GULP1: variants seen among roughly 807,000 people sequenced by gnomAD.
GULP1 encodes the protein GULP PTB domain containing engulfment adaptor 1.
GULP1 carries 19 observed loss-of-function variants against 40.9 expected under a neutral mutation model. The ratio of observed to expected loss-of-function variants is 0.46; its 90% CI spans 0.32 to 0.68. The LOEUF (loss-of-function observed/expected upper bound fraction) is 0.68. Among genes scored for constraint, GULP1 ranks in the 30% least tolerant of loss-of-function variants. The pLI is 0.03. For missense variants in GULP1, 312 were observed against 362.2 expected (o/e 0.86, Z 1.12); for synonymous variants, 119 against 117.6 (o/e 1.01, Z -0.08).
chr2:188,314,739 C>T (rs559829968), intron 1 of GULP1, among the ~76,000 whole-genome samples: 17 of 152,206 alleles, frequency 1.1e-4, no homozygotes, highest in African/African-American at 3.9e-4. Flanking sequence ...CAGTTACCTC[C>T]GGTCAATTGT....
At chr2:188,328,373 G>A (rs1460825695) in intron 1 of GULP1, among the ~76,000 whole-genome samples, 1 of 152,080 alleles carries the variant, frequency 6.6e-6, no homozygotes, top group African/African-American at 2.4e-5. Flanking sequence ...TAATGAAACT[G>A]GGAGTGGATG....
chr2:188,336,505 A>G (rs113442050), intron 1 of GULP1, among the ~76,000 whole-genome samples: 5 of 152,290 alleles, frequency 3.3e-5, no homozygotes, highest in South Asian at 4.1e-4. Context: ...TCATTATGGC[A>G]TATCAGGCTG....
At position 188,319,837 on chromosome 2, in the gene GULP1, C is replaced by G. The variant is rs184880355; in HGVS notation, c.-172+27671C>G. Among the ~76,000 whole-genome samples the G allele has an allele frequency of 7.7e-4, 117 of 152,092 alleles. 2 individuals carry two copies. In the East Asian group the frequency reaches 0.018, roughly 23 times the overall value. On this transcript the variant is annotated intron_variant, in intron 1 of 11. Transcript: ENST00000409830. ...TCTTTTTTTGTCCTATTCTTTCTTT[C>G]ATTTGATCTTTTTTGCCCTTTTTAC...
rs555362357 is a variant in GULP1 at position 188,423,153 on chromosome 2, C to CGA, written c.-45+39264_-45+39265insGA. On this transcript the variant is annotated intron_variant, in intron 2 of 11. Transcript: ENST00000409830. Reference sequence around the variant, plus strand: ...GCTAAGGGTGAACTTTGGAGAAACTCTATGTTAGCTAAATAATCACATCTT... The same window carrying CGA: ...GCTAAGGGTGAACTTTGGAGAAACTCGATATGTTAGCTAAATAATCACATCTT... Among the ~76,000 whole-genome samples the CGA allele has an allele frequency of 8.1e-4, 123 of 152,144 alleles. 1 individual carries two copies. Among genetic ancestry groups the CGA allele is most frequent in the South Asian group, 5.8e-3 (28 of 4,830 alleles).
chr2:188,353,896 G>A (rs747378751), intron 1 of GULP1, among the ~76,000 whole-genome samples: 9 of 151,898 alleles, frequency 5.9e-5, no homozygotes, highest in African/African-American at 2.2e-4. Flanking sequence ...TGGTGCCTTG[G>A]CCAAGCAGAG....
chr2:188,541,188 A>G lies in GULP1; in HGVS notation c.269A>G (p.Gln90Arg). The G allele has an allele frequency of 6.2e-7, 1 of 1,613,056 alleles. No individual in the cohort carries two copies. The highest frequency in any genetic ancestry group is 8.5e-7 in the Non-Finnish European group (1 of 1,179,134). The part of the protein sequence containing the change: ...KILEPKTKEV[Q>R]HNCQLHRISF... ...TTCCATCTGTGTTCACAGGAAGTTC[A>G]ACACAATTGCCAGCTTCATAGAATA... Residue 90 changes from glutamine to arginine, a missense_variant, in exon 7 of 12, where the codon CAA becomes CGA. By Grantham distance (43) the Gln-to-Arg change is conservative. Coordinates refer to ENST00000409830, the MANE Select transcript of GULP1 (RefSeq NM_016315.4).
intron 7 of GULP1, among the ~76,000 whole-genome samples, chr2:188,561,985 C>T (rs1696423055): frequency 6.6e-6 from 1 of 152,196 alleles, no homozygotes; most frequent in South Asian, 2.1e-4. Flanking sequence ...CAGCCAATGC[C>T]TTGCTTGTTT....
chr2:188,528,386 T>G (rs551410836), intron 5 of GULP1, among the ~76,000 whole-genome samples: 21 of 152,256 alleles, frequency 1.4e-4, no homozygotes, highest in African/African-American at 4.8e-4. Flanking sequence ...AGACTCCATC[T>G]GCTAAGCACA....
chr2:188,526,087 G>T (rs191587948), intron 5 of GULP1, among the ~76,000 whole-genome samples: 42 of 152,162 alleles, frequency 2.8e-4, no homozygotes, highest in Middle Eastern at 3.4e-3. Flanking sequence ...TCTGAGAAAT[G>T]GATAGAAATT....
At chr2:188,513,997 T>C (rs1336813491) in intron 4 of GULP1, among the ~76,000 whole-genome samples, 1 of 151,072 alleles carries the variant, frequency 6.6e-6, no homozygotes, top group African/African-American at 2.4e-5. Context: ...TATTCCAAAA[T>C]GCGCAGGTTT....
intron 1 of GULP1, among the ~76,000 whole-genome samples, chr2:188,346,747 C>T (rs369722908): frequency 2.0e-5 from 3 of 151,730 alleles, no homozygotes; most frequent in East Asian, 3.9e-4. Context: ...CTGAGGCGGG[C>T]GAATCATGAG....
chr2:188,524,202 C>T (rs1685551494), intron 5 of GULP1, among the ~76,000 whole-genome samples: 1 of 151,660 alleles, frequency 6.6e-6, no homozygotes, highest in East Asian at 1.9e-4. Context: ...TTCAGTCAAC[C>T]CAAATCAAAA....
chr2:188,313,454 T>A (rs141540993), intron 1 of GULP1, among the ~76,000 whole-genome samples: 5,442 of 152,248 alleles, frequency 0.036, 337 homozygotes, highest in African/African-American at 0.12. Context: ...GAAGTCTCTG[T>A]TCTGCTCCAT....
intron 4 of GULP1, among the ~76,000 whole-genome samples, chr2:188,494,193 T>TA (rs1462433408): frequency 1.3e-5 from 2 of 151,770 alleles, no homozygotes; most frequent in African/African-American, 4.8e-5. Flanking sequence ...CAAATACCAT[T>TA]AAAAAAACAC....
chr2:188,401,805 A>G (rs759347003), intron 2 of GULP1, among the ~76,000 whole-genome samples: 4 of 152,162 alleles, frequency 2.6e-5, no homozygotes, highest in Non-Finnish European at 4.4e-5. Context: ...GTGAATAAGC[A>G]ATTTAATAAG....
chr2:188,526,097 TATATA>T (rs746916166), intron 5 of GULP1, among the ~76,000 whole-genome samples: 28 of 152,168 alleles, frequency 1.8e-4, no homozygotes, highest in Non-Finnish European at 3.4e-4. Flanking sequence ...GGATAGAAAT[TATATA>T]ATAAGATTGA....
intron 1 of GULP1, among the ~76,000 whole-genome samples, chr2:188,347,805 A>G (rs971921448): frequency 1.3e-5 from 2 of 152,128 alleles, no homozygotes; most frequent in Non-Finnish European, 2.9e-5. Flanking sequence ...TTTTGTAGAG[A>G]TGGCATTTTG....
chr2:188,421,724 CT>C (rs2152769852), intron 2 of GULP1, among the ~76,000 whole-genome samples: 1 of 152,196 alleles, frequency 6.6e-6, no homozygotes, highest in East Asian at 1.9e-4. Flanking sequence ...AGTGACCATT[CT>C]TGCTGGGGAG....
intron 7 of GULP1, among the ~76,000 whole-genome samples, chr2:188,555,417 A>G (rs565969398): frequency 6.6e-6 from 1 of 152,306 alleles, no homozygotes; most frequent in South Asian, 2.1e-4. Flanking sequence ...AGTGGTAACA[A>G]ATTCCCTCAG....
Sources: gnomAD v4.1 joint callset for allele counts (sites outside exome capture counted in the v4.1 genomes callset) on GRCh38, gnomAD v4.1.1 for gene constraint, MANE v1.5 for transcripts, NCBI Gene and HGNC (gene_info 2026-07-23, HGNC 2026-07-21) for gene names.